Variants in SEMA3E observed in about 807,000 individuals in gnomAD.
SEMA3E encodes semaphorin-3E.
In SEMA3E, 49 loss-of-function variants were observed where a neutral mutation model predicts 93.6. The observed-to-expected ratio is 0.52, with a 90% CI of 0.42 to 0.66. The LOEUF is 0.66. Among genes scored for constraint, SEMA3E ranks in the 30% least tolerant of loss-of-function variants. The pLI, the probability that SEMA3E is intolerant of heterozygous loss-of-function variation, is 0.00. For missense variants in SEMA3E, 906 were observed against 964.8 expected (o/e 0.94, Z 0.81); for synonymous variants, 363 against 330.7 (o/e 1.10, Z -1.06).
At chr7:83,485,504 A>G (rs989808639) in intron 2 of SEMA3E, among the ~76,000 whole-genome samples, 2 of 152,144 alleles carry the variant, frequency 1.3e-5, no homozygotes, top group African/African-American at 4.8e-5. Flanking sequence ...AGGCATGGGT[A>G]CAGGTACATA....
At chr7:83,472,661 T>G (rs551086124) in intron 2 of SEMA3E, among the ~76,000 whole-genome samples, 2 of 152,198 alleles carry the variant, frequency 1.3e-5, no homozygotes, top group Non-Finnish European at 2.9e-5. Flanking sequence ...GGATGGTGTT[T>G]CTCACCGAAA....
chr7:83,429,108 AT>A (rs1788831922), intron 4 of SEMA3E, among the ~76,000 whole-genome samples: 1 of 152,144 alleles, frequency 6.6e-6, no homozygotes, highest in South Asian at 2.1e-4. Context: ...TTTCAAAAAA[AT>A]CTTATTTTAT....
rs556094152 is a variant in SEMA3E at position 83,511,918 on chromosome 7, AAAAT to A, written c.116-21648_116-21645del. Among the ~76,000 whole-genome samples the A allele has an allele frequency of 1.2e-3, 188 of 152,262 alleles. 1 individual carries two copies. Among genetic ancestry groups the A allele is most frequent in the African/African-American group, 4.4e-3 (184 of 41,562 alleles). ...CTCAAAATAAATAAGTAAAGTAATT[AAAAT>A]AAATAAATAAAAGAGACTGTTGCAT... On this transcript the variant is annotated intron_variant, in intron 1 of 16. Transcript: ENST00000643230.
At chr7:83,458,725 G>C (rs1227353909) in intron 4 of SEMA3E, among the ~76,000 whole-genome samples, 1 of 151,794 alleles carries the variant, frequency 6.6e-6, no homozygotes, top group Admixed American at 6.6e-5. Context: ...AATAGTACAT[G>C]AATTTGAATA....
rs899166284 is a variant in SEMA3E, at chr7:83,404,930, G to A, written c.998+520C>T. ...GTGAATAAATAAAAATATAGTAATGGGAACTAGCAAAGTAGACACTGATTG... is the reference window on the plus strand; with the variant it reads ...GTGAATAAATAAAAATATAGTAATGAGAACTAGCAAAGTAGACACTGATTG... On this transcript the variant is annotated intron_variant, in intron 9 of 16. Coordinates refer to ENST00000643230, the MANE Select transcript of SEMA3E (RefSeq NM_012431.3). Among the ~76,000 whole-genome samples, 7 of 151,924 alleles carry A rather than the reference G, an allele frequency of 4.6e-5. No homozygotes were observed. In the South Asian group the frequency reaches 6.2e-4, roughly 13 times the overall value.
At chr7:83,413,724 C>T (rs1269422614) in intron 5 of SEMA3E, among the ~76,000 whole-genome samples, 7 of 152,088 alleles carry the variant, frequency 4.6e-5, no homozygotes, top group Admixed American at 2.6e-4. Context: ...AGATGATTAG[C>T]ACTAGCTCTC....
chr7:83,396,287 A>G (rs1788120958), intron 12 of SEMA3E, among the ~76,000 whole-genome samples: 1 of 152,112 alleles, frequency 6.6e-6, no homozygotes, highest in Admixed American at 6.6e-5. Context: ...TCTTGCCTCA[A>G]TGTTCACAAT....
At chr7:83,577,193 C>T (rs547794590) in intron 1 of SEMA3E, among the ~76,000 whole-genome samples, 73 of 152,110 alleles carry the variant, frequency 4.8e-4, no homozygotes, top group Non-Finnish European at 9.1e-4. Context: ...GATAGATATA[C>T]CTGTATGACA....
chr7:83,521,232 G>A (rs1791041885), intron 1 of SEMA3E, among the ~76,000 whole-genome samples: 1 of 151,920 alleles, frequency 6.6e-6, no homozygotes, highest in Non-Finnish European at 1.5e-5. Flanking sequence ...GACTCTCCCA[G>A]GATGCAAGGA....
intron 8 of SEMA3E, 83 bp from the exon 9 acceptor site, chr7:83,405,602 T>C: frequency 9.0e-7 from 1 of 1,108,398 alleles, no homozygotes; most frequent in Non-Finnish European, 1.4e-6. Context: ...TAAATTTGTT[T>C]AGAACTCATT....
chr7:83,378,252 T>C (rs145292445), intron 16 of SEMA3E, among the ~76,000 whole-genome samples: 136 of 152,070 alleles, frequency 8.9e-4, no homozygotes, highest in African/African-American at 3.2e-3. Flanking sequence ...TGAATCATTT[T>C]ATTTTCTCCT....
chr7:83,469,390 A>C, intron 2 of SEMA3E, 88 bp from the exon 3 acceptor site: 1 of 784,052 alleles, frequency 1.3e-6, no homozygotes, highest in Non-Finnish European at 2.0e-6. Context: ...TACAGTTCAA[A>C]ACATTTCCTT....
intron 1 of SEMA3E, among the ~76,000 whole-genome samples, chr7:83,507,422 C>CTGTGTGTG (rs1491470723): frequency 2.9e-5 from 3 of 102,426 alleles, no homozygotes; most frequent in South Asian, 3.7e-4. Flanking sequence ...CAAAACAGAA[C>CTGTGTGTG]TCTGTGTGTG....
At chr7:83,536,768 C>T (rs544952325) in intron 1 of SEMA3E, among the ~76,000 whole-genome samples, 11 of 152,086 alleles carry the variant, frequency 7.2e-5, no homozygotes, top group African/African-American at 1.4e-4. Flanking sequence ...GGCATCTTGG[C>T]GAAGAAATAA....
chr7:83,559,287 T>A (rs1336077977), intron 1 of SEMA3E, among the ~76,000 whole-genome samples: 1 of 152,064 alleles, frequency 6.6e-6, no homozygotes, highest in East Asian at 1.9e-4. Context: ...GGCTCCAGCA[T>A]TGTGCAACCA....
intron 4 of SEMA3E, among the ~76,000 whole-genome samples, chr7:83,441,874 T>G (rs537988846): frequency 6.6e-6 from 1 of 152,196 alleles, no homozygotes; most frequent in Admixed American, 6.5e-5. Flanking sequence ...CTGGTGAGAG[T>G]GTTTTTTGTT....
At chr7:83,466,432 G>A (rs753373581) in intron 4 of SEMA3E, 50 bp downstream of exon 4, 4 of 1,601,970 alleles carry the variant, frequency 2.5e-6, no homozygotes, top group African/African-American at 1.3e-5. Flanking sequence ...TTGAGAACAA[G>A]GTTGTTTTAA....
chr7:83,643,589 G>T (rs958246054), intron 1 of SEMA3E, among the ~76,000 whole-genome samples: 1 of 151,862 alleles, frequency 6.6e-6, no homozygotes, highest in Non-Finnish European at 1.5e-5. Context: ...CATATATCCA[G>T]ATGCACTGAT....
At chr7:83,602,417 T>G (rs1793014721) in intron 1 of SEMA3E, among the ~76,000 whole-genome samples, 1 of 152,002 alleles carries the variant, frequency 6.6e-6, no homozygotes, top group South Asian at 2.1e-4. Context: ...TCCACGGCCC[T>G]CCCCTATCCA....
Sources: gnomAD v4.1 joint callset for allele counts (sites outside exome capture counted in the v4.1 genomes callset) on GRCh38, gnomAD v4.1.1 for gene constraint, MANE v1.5 for transcripts, NCBI Gene and HGNC (gene_info 2026-07-23, HGNC 2026-07-21) for gene names.